Variants in PAG1 observed in about 807,000 individuals in gnomAD.
PAG1 encodes the protein phosphoprotein membrane anchor with glycosphingolipid microdomains 1.
A neutral mutation model predicts 31.7 loss-of-function variants in PAG1; 23 were observed. The ratio of observed to expected loss-of-function variants is 0.73; its 90% CI spans 0.52 to 1.03. PAG1 has a LOEUF of 1.03. PAG1 is among the 50% of genes least tolerant of loss of function. PAG1 has a pLI of 0.00. For missense variants in PAG1, 473 were observed against 540.7 expected, an observed-to-expected ratio of 0.87 and a Z score of 1.24; for synonymous variants, 214 against 210.3, an observed-to-expected ratio of 1.02 and a Z score of -0.15.
chr8:81,008,655 G>A (rs1202525069), intron 3 of PAG1, among the ~76,000 whole-genome samples: 11 of 151,380 alleles, frequency 7.3e-5, no homozygotes, highest in Non-Finnish European at 1.0e-4. Context: ...CCAATCTCAC[G>A]TTTCCTAACA....
chr8:81,107,962 T>A (rs1156696426), intron 1 of PAG1, among the ~76,000 whole-genome samples: 1 of 152,232 alleles, frequency 6.6e-6, no homozygotes, highest in Non-Finnish European at 1.5e-5. Flanking sequence ...TGACTGTCAA[T>A]GGTCTTCATT....
intron 3 of PAG1, among the ~76,000 whole-genome samples, chr8:81,028,877 A>T (rs996427658): frequency 6.6e-6 from 1 of 152,168 alleles, no homozygotes; most frequent in Non-Finnish European, 1.5e-5. Flanking sequence ...CCTCACCCCA[A>T]GCCCTTCAGA....
Position 81,082,252 on chromosome 8 carries a change from C to CAA in PAG1, c.-233-12084_-233-12083dup, listed in dbSNP as rs748117144. Among the ~76,000 whole-genome samples, 115 of 47,506 alleles carry CAA rather than the reference C, an allele frequency of 2.4e-3. 1 individual carries two copies. Among genetic ancestry groups the CAA allele is most frequent in the African/African-American group, 2.8e-3 (42 of 15,190 alleles). 31.2% of individuals were successfully genotyped at this position (47,506 alleles called of 152,430 possible). On this transcript the variant is annotated intron_variant, in intron 1 of 8. Coordinates refer to ENST00000220597, the MANE Select transcript of PAG1 (RefSeq NM_018440.4). The stretch of plus-strand genomic sequence containing the variant: ...TGGGCAACAGAGTGAGACTCTGTCT[C>CAA]AAAAAAAAAAAAAAAAAAAAAGAAA...
At chr8:81,070,336 T>A (rs548918344) in intron 1 of PAG1, among the ~76,000 whole-genome samples, 166 bp from the exon 2 acceptor site, 1 of 152,320 alleles carries the variant, frequency 6.6e-6, no homozygotes, top group African/African-American at 2.4e-5. Context: ...TTTAATACTA[T>A]AATAAAAGAA....
rs1387570352 is a variant in PAG1, at chr8:80,990,574, G to T, written c.177+905C>A. Among the ~76,000 whole-genome samples, 3 of 152,122 alleles carry T rather than the reference G, an allele frequency of 2.0e-5. No individual in the cohort carries two copies. The East Asian group carries it at 5.8e-4, about 29-fold the overall frequency. ...GATGGGCCCCCTCCCCAGCGGCTGG[G>T]ACTGCTCAGCCATTCAAAAGCACGG... On this transcript the variant is annotated intron_variant, in intron 5 of 8. Transcript: ENST00000220597. The surrounding 1 kb of genome is among the most constrained non-coding windows in gnomAD (Gnocchi z 5.1).
rs1290380915 is a variant in PAG1, at chr8:80,993,099, T to C, written c.125+4A>G. On this transcript the variant is annotated splice_donor_region_variant and intron_variant, in intron 4 of 8. Transcript: ENST00000220597. ...GGCACAGGTATATACACTCTGGTTC[T>C]CACCTGTCACAACTAGAGCACAGGA... 3 of 1,612,862 alleles carry C rather than the reference T, an allele frequency of 1.9e-6. No individual in the cohort carries two copies.
intron 1 of PAG1, among the ~76,000 whole-genome samples, chr8:81,082,808 T>C (rs549274735): frequency 6.6e-6 from 1 of 152,352 alleles, no homozygotes; most frequent in African/African-American, 2.4e-5. Flanking sequence ...GCATCCAGCA[T>C]GTTTAGAATT....
intron 1 of PAG1, among the ~76,000 whole-genome samples, chr8:81,080,979 A>C (rs998956329): frequency 6.6e-6 from 1 of 152,140 alleles, no homozygotes; most frequent in Non-Finnish European, 1.5e-5. Flanking sequence ...AGATAGGCCA[A>C]AGAGTATAGT....
intron 2 of PAG1, among the ~76,000 whole-genome samples, chr8:81,042,321 C>T (rs775939568): frequency 3.9e-5 from 6 of 152,110 alleles, no homozygotes; most frequent in Non-Finnish European, 7.4e-5. Flanking sequence ...GAGGCTCAAA[C>T]GAGATAATGC....
intron 2 of PAG1, among the ~76,000 whole-genome samples, chr8:81,038,045 A>G (rs1322214454): frequency 3.9e-4 from 60 of 152,300 alleles, no homozygotes; most frequent in Non-Finnish European, 7.3e-5. Flanking sequence ...GGTCTGCCTC[A>G]GGCATTTCCT....
chr8:80,995,126 T>C (rs58532345), intron 3 of PAG1, among the ~76,000 whole-genome samples: 14,076 of 152,212 alleles, frequency 0.092, 2,207 homozygotes, highest in African/African-American at 0.32. Context: ...TCACATTTAT[T>C]TGAATATTCA....
At chr8:80,984,692 A>G (rs1807376566) in intron 7 of PAG1, 84 bp downstream of exon 7, 2 of 1,291,136 alleles carry the variant, frequency 1.5e-6, no homozygotes, top group South Asian at 2.9e-5. Context: ...GTTTGCAGAT[A>G]TTTCCCAGAA....
intron 2 of PAG1, among the ~76,000 whole-genome samples, chr8:81,033,120 G>A (rs1346581209): frequency 6.6e-6 from 1 of 152,104 alleles, no homozygotes; most frequent in African/African-American, 2.4e-5. Flanking sequence ...GACTTGTATG[G>A]TATGTGAATT....
At chr8:81,006,371 C>T (rs539138991) in intron 3 of PAG1, among the ~76,000 whole-genome samples, 19 of 152,342 alleles carry the variant, frequency 1.2e-4, no homozygotes, top group African/African-American at 4.3e-4. Context: ...TGTTCTCTAT[C>T]CCTTCTCTCT....
chr8:81,054,599 C>G (rs1043326919), intron 2 of PAG1, among the ~76,000 whole-genome samples: 1 of 152,004 alleles, frequency 6.6e-6, no homozygotes, highest in Non-Finnish European at 1.5e-5. Context: ...TGGTGTGAAC[C>G]TGGGAGATGG....
At chr8:80,984,102 G>A (rs1340485639) in intron 7 of PAG1, among the ~76,000 whole-genome samples, 3 of 152,144 alleles carry the variant, frequency 2.0e-5, no homozygotes, top group African/African-American at 2.4e-5. Flanking sequence ...TTAGTTGCCT[G>A]AAGTAGATGG....
At chr8:81,047,768 G>A (rs1259042308) in intron 2 of PAG1, among the ~76,000 whole-genome samples, 1 of 152,124 alleles carries the variant, frequency 6.6e-6, no homozygotes, top group Non-Finnish European at 1.5e-5. Flanking sequence ...CCTTACATAG[G>A]TCATACACTC....
chr8:81,094,520 T>C (rs550256325), intron 1 of PAG1, among the ~76,000 whole-genome samples: 3 of 152,202 alleles, frequency 2.0e-5, no homozygotes, highest in African/African-American at 7.2e-5. Context: ...TCTAGGTCTA[T>C]GGGTGATAAA....
intron 3 of PAG1, among the ~76,000 whole-genome samples, chr8:81,000,995 A>C (rs1227040849): frequency 3.9e-5 from 6 of 152,100 alleles, no homozygotes; most frequent in Admixed American, 2.6e-4. Flanking sequence ...AGGGGGCTGG[A>C]CCTTCCATTT....
Sources: allele counts gnomAD v4.1 joint callset (sites outside exome capture counted in the v4.1 genomes callset), GRCh38; gene constraint gnomAD v4.1.1; non-coding constraint Gnocchi (gnomAD v3.1); transcripts MANE v1.5; gene names NCBI Gene and HGNC (gene_info 2026-07-23, HGNC 2026-07-21).